Variants in TMPRSS4 observed in about 807,000 individuals in gnomAD.
TMPRSS4 encodes the protein transmembrane protease serine 4.
TMPRSS4 carries 45 observed loss-of-function variants against 56.4 expected under a neutral mutation model. The observed-to-expected ratio is 0.80, with a 90% CI of 0.63 to 1.02. The LOEUF is 1.02. Among genes scored for constraint, TMPRSS4 ranks in the 50% least tolerant of loss-of-function variants. The pLI, the probability that TMPRSS4 is intolerant of heterozygous loss-of-function variation, is 0.00. For missense variants in TMPRSS4, 546 were observed against 556.7 expected (o/e 0.98, Z 0.19); for synonymous variants, 205 against 211.0 (o/e 0.97, Z 0.25).
At chr11:118,085,681 C>G (rs1311240934) in intron 1 of TMPRSS4, among the ~76,000 whole-genome samples, 1 of 152,200 alleles carries the variant, frequency 6.6e-6, no homozygotes, top group Admixed American at 6.5e-5. Flanking sequence ...TAAAATCCAT[C>G]AGCCCTTCCC....
intron 1 of TMPRSS4, among the ~76,000 whole-genome samples, chr11:118,084,432 G>A (rs1410424173): frequency 6.6e-6 from 1 of 152,234 alleles, no homozygotes; most frequent in East Asian, 1.9e-4. Flanking sequence ...AGACACTGAA[G>A]CACTATTAAA....
At chr11:118,081,893 G>A (rs1029465591) in intron 1 of TMPRSS4, among the ~76,000 whole-genome samples, 2 of 152,192 alleles carry the variant, frequency 1.3e-5, no homozygotes, top group African/African-American at 4.8e-5. Context: ...AACAGGAGCA[G>A]GGGAGACTGC....
chr11:118,107,734 GC>G, intron 5 of TMPRSS4, 39 bp from the exon 6 acceptor site: 1 of 1,579,454 alleles, frequency 6.3e-7, no homozygotes, highest in Non-Finnish European at 8.7e-7. Context: ...CTAACCCCCT[GC>G]CCCAGCTCAC....
chr11:118,093,440 G>A (rs1438724318), intron 1 of TMPRSS4, among the ~76,000 whole-genome samples: 3 of 152,318 alleles, frequency 2.0e-5, no homozygotes, highest in African/African-American at 7.2e-5. Context: ...GGTTCAGAGG[G>A]CATAAACCCA....
chr11:118,118,125 C>T lies in TMPRSS4; in HGVS notation c.*212C>T, dbSNP rs2091798125. 7.0e-7 allele frequency: 1 copy of T among 1,425,310 alleles called. No homozygotes were observed. The highest frequency in any genetic ancestry group is 2.9e-5 in the Admixed American group (1 of 34,410). The allele number at this position is 1,425,310 out of a possible 1,614,324, so 88.3% of individuals were successfully genotyped here. A position where few individuals can be genotyped will look rare whatever the true frequency, so the allele number is the denominator to read the frequency against. The stretch of plus-strand genomic sequence containing the variant: ...GAGGAAGTCAGCAGCCCTAGCTCGG[C>T]CACACTTGGTGCTCCCAGCATCCCA... On this transcript the variant is annotated 3_prime_UTR_variant, in exon 13 of 13. Coordinates refer to ENST00000437212, the MANE Select transcript of TMPRSS4 (RefSeq NM_019894.4).
chr11:118,085,195 T>A (rs1945448139), intron 1 of TMPRSS4, among the ~76,000 whole-genome samples: 1 of 151,354 alleles, frequency 6.6e-6, no homozygotes, highest in South Asian at 2.1e-4. Context: ...CAAAAGTTGT[T>A]CTACAGATGG....
At chr11:118,093,756 C>T (rs916365507) in intron 1 of TMPRSS4, among the ~76,000 whole-genome samples, 2 of 152,050 alleles carry the variant, frequency 1.3e-5, no homozygotes, top group Admixed American at 6.6e-5. Flanking sequence ...ATGTTGAAAA[C>T]AAGATCCAGA....
intron 1 of TMPRSS4, among the ~76,000 whole-genome samples, chr11:118,093,400 C>T (rs761185227): frequency 1.1e-4 from 17 of 152,200 alleles, no homozygotes; most frequent in African/African-American, 3.9e-4. Context: ...ATAGGGCAGG[C>T]GAGTCCCTGG....
intron 1 of TMPRSS4, among the ~76,000 whole-genome samples, chr11:118,078,661 C>T (rs1184115206): frequency 6.6e-6 from 1 of 152,116 alleles, no homozygotes; most frequent in Non-Finnish European, 1.5e-5. Flanking sequence ...CTGTGAGCTG[C>T]TTCTGGGTGG....
intron 5 of TMPRSS4, 33 bp downstream of exon 5, chr11:118,104,853 C>T: frequency 6.6e-7 from 1 of 1,516,044 alleles, no homozygotes; most frequent in Non-Finnish European, 8.8e-7. Context: ...CTTTTTCCCT[C>T]CTTCCTCCTT....
chr11:118,115,337 A>G, intron 11 of TMPRSS4, 57 bp downstream of exon 11: 2 of 1,580,274 alleles, frequency 1.3e-6, no homozygotes, highest in East Asian at 4.5e-5. Context: ...TCCTAGAGAG[A>G]TGAGAAAACC....
intron 3 of TMPRSS4, among the ~76,000 whole-genome samples, chr11:118,101,238 T>C (rs7111964): frequency 0.037 from 5,702 of 152,174 alleles, 357 homozygotes; most frequent in African/African-American, 0.13. Context: ...GTAATAACAC[T>C]TCCCTCCCAA....
At chr11:118,108,245 A>G (rs1250274054) in intron 6 of TMPRSS4, 2 of 193,162 alleles carry the variant, frequency 1.0e-5, no homozygotes, top group Non-Finnish European at 2.1e-5. Flanking sequence ...CTTCCCTACC[A>G]CTTACCCAGC....
At chr11:118,086,780 A>C (rs1053459194) in intron 1 of TMPRSS4, 1 of 152,694 alleles carries the variant, frequency 6.5e-6, no homozygotes, top group African/African-American at 2.4e-5. Context: ...CAAGAGAGAG[A>C]GCCCTGTTGC....
rs185818307 is a variant in TMPRSS4, at chr11:118,118,095, G to C, written c.*182G>C. Reference sequence around the variant, plus strand: ...TAAGAGACCCTCGCAGCCCAGAGGCGCCCAGAGGAAGTCAGCAGCCCTAGC... The same window carrying C: ...TAAGAGACCCTCGCAGCCCAGAGGCCCCCAGAGGAAGTCAGCAGCCCTAGC... On this transcript the variant is annotated 3_prime_UTR_variant, in exon 13 of 13. Transcript: ENST00000437212. 1,125 of 1,442,384 alleles carry C rather than the reference G, an allele frequency of 7.8e-4. 10 individuals carry two copies. In the African/African-American group the frequency reaches 0.014, roughly 19 times the overall value. The allele number at this position is 1,442,384 out of a possible 1,614,324, so 89.3% of individuals were successfully genotyped here. A position where few individuals can be genotyped will look rare whatever the true frequency, so the allele number is the denominator to read the frequency against.
At chr11:118,115,779 C>T (rs559105983) in intron 11 of TMPRSS4, among the ~76,000 whole-genome samples, 49 of 152,234 alleles carry the variant, frequency 3.2e-4, no homozygotes, top group African/African-American at 1.1e-3. Context: ...GCTGAGATTG[C>T]GCCACTGCAC....
Position 118,113,203 on chromosome 11 carries a change from A to AC in TMPRSS4, c.744-63dup, listed in dbSNP as rs1052648505. 70 of 1,523,518 alleles carry AC rather than the reference A, an allele frequency of 4.6e-5. No homozygotes were observed. The African/African-American group carries it at 8.9e-4, about 19-fold the overall frequency. 94.4% of individuals were successfully genotyped at this position (1,523,518 alleles called of 1,614,324 possible). ...CACCCCGATCCCTAGGGCCCTGGGGACCCAGCCTTTGGCAAAGTCTCCTCA... is the reference window on the plus strand; with the variant it reads ...CACCCCGATCCCTAGGGCCCTGGGGACCCCAGCCTTTGGCAAAGTCTCCTCA... On this transcript the variant is annotated intron_variant, in intron 8 of 12. Coordinates refer to ENST00000437212, the MANE Select transcript of TMPRSS4 (RefSeq NM_019894.4).
At chr11:118,078,435 C>G (rs1160413963) in intron 1 of TMPRSS4, among the ~76,000 whole-genome samples, 1 of 151,998 alleles carries the variant, frequency 6.6e-6, no homozygotes, top group Non-Finnish European at 1.5e-5. Context: ...CTGAGCACTT[C>G]CCACGACACT....
chr11:118,083,759 A>C (rs1231523033), intron 1 of TMPRSS4, among the ~76,000 whole-genome samples: 1 of 152,272 alleles, frequency 6.6e-6, no homozygotes. Flanking sequence ...TACAGTTAAC[A>C]ATTACTGTAC....
Sources: allele counts gnomAD v4.1 joint callset (sites outside exome capture counted in the v4.1 genomes callset), GRCh38; gene constraint gnomAD v4.1.1; transcripts MANE v1.5; gene names NCBI Gene and HGNC (gene_info 2026-07-23, HGNC 2026-07-21).